The following DDX25 variants were observed in gnomAD, a reference collection of about 807,000 sequenced individuals.
DDX25 encodes ATP-dependent RNA helicase DDX25.
Under a neutral mutation model 64.6 loss-of-function variants are expected in DDX25, and 70 were observed. The observed-to-expected ratio is 1.08, with a 90% CI of 0.89 to 1.32. The LOEUF (loss-of-function observed/expected upper bound fraction) is 1.32. DDX25 is among the 40% of genes most tolerant of loss of function. DDX25 has a pLI of 0.00. For missense variants in DDX25, 587 were observed against 604.4 expected, an observed-to-expected ratio of 0.97 and a Z score of 0.30; for synonymous variants, 211 against 213.3, an observed-to-expected ratio of 0.99 and a Z score of 0.09.
chr11:125,918,543 G>A (rs564898410), intron 9 of DDX25, 85 bp from the exon 10 acceptor site: 12 of 695,342 alleles, frequency 1.7e-5, no homozygotes, highest in East Asian at 5.3e-5. Context: ...TCCCACCCCC[G>A]CCCTGCATGC....
intron 8 of DDX25, among the ~76,000 whole-genome samples, chr11:125,913,454 A>G (rs1242741413): frequency 6.6e-6 from 1 of 152,154 alleles, no homozygotes; most frequent in Admixed American, 6.5e-5. Flanking sequence ...CTTTTGACTA[A>G]TAGTTTGCCC....
intron 6 of DDX25, among the ~76,000 whole-genome samples, chr11:125,908,743 A>T (rs1426886436): frequency 2.0e-5 from 3 of 152,196 alleles, no homozygotes; most frequent in Non-Finnish European, 4.4e-5. Context: ...GTCTTAGGCA[A>T]GTTAATAAAT....
In DDX25 at chr11:125,917,257, C is replaced by G. The variant is rs1945051776; in HGVS notation, c.1038+6C>G. On this transcript the variant is annotated splice_donor_region_variant and intron_variant, in intron 9 of 11. Coordinates refer to ENST00000263576, the MANE Select transcript of DDX25 (RefSeq NM_013264.5). ...AGGCCATCATCTTCTGCCAGGTACACTCTGTGGATGTGTCTTCATCGAGCC... is the reference window on the plus strand; with the variant it reads ...AGGCCATCATCTTCTGCCAGGTACAGTCTGTGGATGTGTCTTCATCGAGCC... 6.3e-7 allele frequency: 1 copy of G among 1,593,728 alleles called. No homozygotes were observed. The highest frequency in any genetic ancestry group is 8.5e-7 in the Non-Finnish European group (1 of 1,170,442).
rs1214465353 is a variant in DDX25 at position 125,923,496 on chromosome 11, A to G, written c.*615A>G. ...TTTCTATTTTGCTTCTCTTCAAATT[A>G]AAGATTTACTCCCTCATCAGTTATT... is the stretch of plus-strand genomic sequence containing the variant. On this transcript the variant is annotated 3_prime_UTR_variant, in exon 12 of 12. Transcript: ENST00000263576. 6.6e-6 allele frequency: 1 copy of G among 152,232 alleles called. No individual in the cohort carries two copies. Among genetic ancestry groups the G allele is most frequent in the Non-Finnish European group, 1.5e-5 (1 of 68,056 alleles). The allele number at this position is 152,232 out of a possible 1,614,324, so 9.4% of individuals were successfully genotyped here.
In DDX25 at chr11:125,925,345, G is replaced by T. The variant is rs552609019; in HGVS notation, c.*2464G>T. 2.2e-6 allele frequency: 1 copy of T among 450,768 alleles called. No individual in the cohort carries two copies. Among genetic ancestry groups the T allele is most frequent in the South Asian group, 1.6e-5 (1 of 64,230 alleles). The allele number at this position is 450,768 out of a possible 1,614,324, so 27.9% of individuals were successfully genotyped here. A position where few individuals can be genotyped will look rare whatever the true frequency, so the allele number is the denominator to read the frequency against. On this transcript the variant is annotated 3_prime_UTR_variant, in exon 12 of 12. Transcript: ENST00000263576. ...GCGTTCCCTTTTGCCCCCTCCTCAC[G>T]TCCCTTTGTCTCACCACCTAGGAGG...
chr11:125,913,768 C>T (rs1466236647), intron 8 of DDX25, among the ~76,000 whole-genome samples: 2 of 152,026 alleles, frequency 1.3e-5, no homozygotes, highest in Admixed American at 6.6e-5. Flanking sequence ...AAAACCTGGG[C>T]CTGCCACTTC....
At position 125,918,631 on chromosome 11, in the gene DDX25, C is replaced by T. The variant is rs371417545; in HGVS notation, c.1042C>T (p.Arg348Cys). 62 of 1,611,804 alleles carry T rather than the reference C, an allele frequency of 3.8e-5. No individual in the cohort carries two copies. Among genetic ancestry groups the T allele is most frequent in the East Asian group, 6.7e-5 (3 of 44,816 alleles). The stretch of plus-strand genomic sequence containing the variant: ...TGGGTTTTGCCTTTTTACATAGACT[C>T]GTCGAAACGCTAAGTGGTTGACCGT... ...IGQAIIFCQT[R>C]RNAKWLTVEM... The change falls in exon 10 of 12, where the codon CGT becomes TGT. Residue 348 changes from arginine to cysteine, a missense_variant. By Grantham distance (180) the Arg-to-Cys change is radical. Transcript: ENST00000263576.
upstream of DDX25, chr11:125,904,453 G>A: frequency 7.4e-7 from 1 of 1,350,294 alleles, no homozygotes; most frequent in Non-Finnish European, 9.6e-7. Flanking sequence ...CCAGCGGATG[G>A]GGCCAGCACC....
At chr11:125,909,322 A>G (rs1162469786) in intron 6 of DDX25, among the ~76,000 whole-genome samples, 2 of 152,194 alleles carry the variant, frequency 1.3e-5, no homozygotes, top group Non-Finnish European at 2.9e-5. Flanking sequence ...AGGGTTTGAT[A>G]TTATCAATAA....
chr11:125,915,603 C>T (rs1469120953), intron 8 of DDX25, among the ~76,000 whole-genome samples: 1 of 152,202 alleles, frequency 6.6e-6, no homozygotes, highest in Non-Finnish European at 1.5e-5. Context: ...ATGGCCCAAG[C>T]CTTAGGATAT....
rs1945158993 is a variant in DDX25, at chr11:125,925,494, T to C, written c.*2613T>C. The stretch of plus-strand genomic sequence containing the variant: ...CAGAGCTGTAAGCAATTTTCCCGTC[T>C]TCCTGCATGGCCTGGCCAAGGTCAT... On this transcript the variant is annotated 3_prime_UTR_variant, in exon 12 of 12. Coordinates refer to ENST00000263576, the MANE Select transcript of DDX25 (RefSeq NM_013264.5). The C allele has an allele frequency of 2.2e-6, 1 of 456,102 alleles. No homozygotes were observed. The highest frequency in any genetic ancestry group is 4.4e-6 in the Non-Finnish European group (1 of 226,940). 28.3% of individuals were successfully genotyped at this position (456,102 alleles called of 1,614,324 possible). A position where few individuals can be genotyped will look rare whatever the true frequency, so the allele number is the denominator to read the frequency against.
chr11:125,907,589 C>A (rs1279894772), intron 4 of DDX25, among the ~76,000 whole-genome samples: 6 of 150,932 alleles, frequency 4.0e-5, no homozygotes, highest in South Asian at 2.1e-4. Flanking sequence ...GCCTGGGCGA[C>A]AGAGCAAGAC....
rs1172279177 is a variant in DDX25 at position 125,924,839 on chromosome 11, G to A, written c.*1958G>A. On this transcript the variant is annotated 3_prime_UTR_variant, in exon 12 of 12. Coordinates refer to ENST00000263576, the MANE Select transcript of DDX25 (RefSeq NM_013264.5). ...TTGGGGACAGAACTTGTAACACATG[G>A]AACTCCTGCTGCTCGGTGTCCATCC... is the stretch of plus-strand genomic sequence containing the variant. The A allele has an allele frequency of 2.0e-5, 3 of 152,424 alleles. No individual in the cohort carries two copies. The highest frequency in any genetic ancestry group is 1.3e-4 in the Admixed American group (2 of 15,280). 9.4% of individuals were successfully genotyped at this position (152,424 alleles called of 1,614,324 possible).
At position 125,928,616 on chromosome 11, in the gene DDX25, A is replaced by T. The variant is rs1042076397; in HGVS notation, c.*5735A>T. ...ATTCACCTCACCTTACCAGCAAGGG[A>T]TATTTTCATTTTAAAATTGCTTGGT... On this transcript the variant is annotated 3_prime_UTR_variant, in exon 12 of 12. Coordinates refer to ENST00000263576, the MANE Select transcript of DDX25 (RefSeq NM_013264.5). 2.0e-5 allele frequency: 3 copies of T among 152,216 alleles called. No homozygotes were observed. Among genetic ancestry groups the T allele is most frequent in the Non-Finnish European group, 2.9e-5 (2 of 68,036 alleles). 9.4% of individuals were successfully genotyped at this position (152,216 alleles called of 1,614,324 possible).
intron 9 of DDX25, among the ~76,000 whole-genome samples, 189 bp downstream of exon 9, chr11:125,917,440 T>C (rs986019901): frequency 1.7e-4 from 26 of 152,234 alleles, no homozygotes; most frequent in Non-Finnish European, 3.2e-4. Flanking sequence ...GGTTAAGTAA[T>C]GGAATAGGAT....
In DDX25 at chr11:125,922,960, G is replaced by T; in HGVS notation, c.*79G>T. 1 of 1,348,748 alleles carries T rather than the reference G, an allele frequency of 7.4e-7. No homozygotes were observed. Among genetic ancestry groups the T allele is most frequent in the Non-Finnish European group, 1.0e-6 (1 of 985,594 alleles). The allele number at this position is 1,348,748 out of a possible 1,614,324, so 83.5% of individuals were successfully genotyped here. ...TGGGTTTTGAAGGTAATTTTTTTAT[G>T]TTGAGGCTTTTTCGACGTGAAACTG... On this transcript the variant is annotated 3_prime_UTR_variant, in exon 12 of 12. Transcript: ENST00000263576.
chr11:125,905,680 C>A, intron 3 of DDX25, 83 bp downstream of exon 3: 1 of 1,379,484 alleles, frequency 7.2e-7, no homozygotes, highest in Non-Finnish European at 1.0e-6. Context: ...ATAATATAAT[C>A]TCAATTGGAA....
intron 8 of DDX25, 145 bp from the exon 9 acceptor site, chr11:125,916,869 T>C (rs1945044176): frequency 1.3e-6 from 1 of 746,256 alleles, no homozygotes; most frequent in Non-Finnish European, 2.2e-6. Flanking sequence ...ACCTTGGCTA[T>C]CTGCCTGGAG....
upstream of DDX25, among the ~76,000 whole-genome samples, chr11:125,903,688 T>C (rs1445591193): frequency 6.6e-6 from 1 of 150,434 alleles, no homozygotes; most frequent in African/African-American, 2.5e-5. Flanking sequence ...TGTGGGTTTT[T>C]GTATTTTTGC....
Sources: gnomAD v4.1 joint callset for allele counts (sites outside exome capture counted in the v4.1 genomes callset) on GRCh38, gnomAD v4.1.1 for gene constraint, MANE v1.5 for transcripts, NCBI Gene and HGNC (gene_info 2026-07-23, HGNC 2026-07-21) for gene names.